Variants in ABCB10 observed in about 807,000 individuals in gnomAD.
The protein encoded by ABCB10 is ATP-binding cassette sub-family B member 10, mitochondrial.
In ABCB10, 54 loss-of-function variants were observed where a neutral mutation model predicts 65.4. The observed-to-expected ratio is 0.83, with a 90% CI of 0.66 to 1.04. ABCB10 has a LOEUF of 1.04. Among genes scored for constraint, ABCB10 ranks in the 50% least tolerant of loss-of-function variants. The pLI is 0.00. For synonymous variants in ABCB10, 418 were observed against 406.5 expected, an observed-to-expected ratio of 1.03 and a Z score of -0.34; for missense variants, 846 against 976.6, an observed-to-expected ratio of 0.87 and a Z score of 1.78.
intron 1 of ABCB10, 112 bp downstream of exon 1, chr1:229,558,024 G>C: frequency 8.6e-7 from 1 of 1,157,524 alleles, no homozygotes; most frequent in Non-Finnish European, 1.1e-6. Context: ...GCCCAGGAGA[G>C]GCGGCGGTGA....
rs138947511 is a variant in ABCB10 at position 229,558,402 on chromosome 1, A to G, written c.251T>C (p.Leu84Pro). 8.8e-3 allele frequency: 10,570 copies of G among 1,206,702 alleles called. 430 individuals carry two copies. The African/African-American group carries it at 0.11, about 13-fold the overall frequency. 74.7% of individuals were successfully genotyped at this position (1,206,702 alleles called of 1,614,324 possible). ...CAGCCCCAGGAGCCGCGCGAGGCCC[A>G]GGACGCCCCGCGAGGCGCCCGGACC... ...GGGPGASRGV[L>P]GLARLLGLWA... is the part of the protein sequence containing the mutation. The change falls in exon 1 of 13, where the codon CTG becomes CCG. Residue 84 changes from leucine to proline, a missense_variant. Leu to Pro is a moderately conservative substitution (Grantham distance 98). This residue lies in a region of ABCB10 where 214 missense variants were observed against 173.5 expected (regional missense o/e 1.23). Coordinates refer to ENST00000344517, the MANE Select transcript of ABCB10 (RefSeq NM_012089.3).
intron 9 of ABCB10, among the ~76,000 whole-genome samples, chr1:229,526,649 G>C (rs115838720): frequency 1.0e-3 from 153 of 152,352 alleles, no homozygotes; most frequent in African/African-American, 3.5e-3. Context: ...GAGAGGTTCA[G>C]AAATGGGGGG....
chr1:229,519,572 G>A (rs1186070545), intron 11 of ABCB10, among the ~76,000 whole-genome samples: 1 of 152,194 alleles, frequency 6.6e-6, no homozygotes, highest in Non-Finnish European at 1.5e-5. Context: ...TGGATCACCT[G>A]AGGTCAGGAG....
intron 10 of ABCB10, among the ~76,000 whole-genome samples, chr1:229,525,344 T>TTTGTTG (rs370441280): frequency 8.6e-5 from 13 of 151,872 alleles, no homozygotes; most frequent in African/African-American, 2.9e-4. Flanking sequence ...GCAAAGCACA[T>TTTGTTG]TTGTTGTTGT....
intron 2 of ABCB10, among the ~76,000 whole-genome samples, chr1:229,548,150 C>T (rs1382427145): frequency 1.3e-5 from 2 of 151,824 alleles, no homozygotes; most frequent in East Asian, 1.9e-4. Flanking sequence ...TACAGATGTC[C>T]GCCACTACAC....
chr1:229,530,305 G>A lies in ABCB10; in HGVS notation c.1539C>T (p.Phe513=), dbSNP rs770236956. The A allele has an allele frequency of 3.1e-6, 5 of 1,614,178 alleles. No individual in the cohort carries two copies. The highest frequency in any genetic ancestry group is 4.2e-6 in the Non-Finnish European group (5 of 1,180,018). ...CAGATCCTGACGGAATGGAAAGGCTGAAATCCTGAAATATGGGCACCTCTG... is the reference window on the plus strand; with the variant it reads ...CAGATCCTGACGGAATGGAAAGGCTAAAATCCTGAAATATGGGCACCTCTG... ...ARPEVPIFQD[F]SLSIPSGSVT... is the part of the protein sequence containing the mutation. Residue 513 remains phenylalanine (F), a synonymous_variant, in exon 8 of 13, where the codon TTC becomes TTT. Coordinates refer to ENST00000344517, the MANE Select transcript of ABCB10 (RefSeq NM_012089.3).
intron 10 of ABCB10, among the ~76,000 whole-genome samples, chr1:229,521,994 G>A (rs1482707267): frequency 6.6e-6 from 1 of 151,292 alleles, no homozygotes; most frequent in Non-Finnish European, 1.5e-5. Context: ...AGCCTCCCAA[G>A]TAGCTGAGAC....
At position 229,547,495 on chromosome 1, in the gene ABCB10, A is replaced by T; in HGVS notation, c.921+4T>A. ...AGGTACCAAGGGGAACCAGGCCCACATACCATCATACTGATGCCTACGGAA... is the reference window on the plus strand; with the variant it reads ...AGGTACCAAGGGGAACCAGGCCCACTTACCATCATACTGATGCCTACGGAA... On this transcript the variant is annotated splice_donor_region_variant and intron_variant, in intron 3 of 12. Transcript: ENST00000344517. 6.2e-7 allele frequency: 1 copy of T among 1,612,286 alleles called. No individual in the cohort carries two copies. The highest frequency in any genetic ancestry group is 1.1e-5 in the South Asian group (1 of 90,998).
rs1287201222 is a variant in ABCB10 at position 229,517,855 on chromosome 1, C to A, written c.*324G>T. 1 of 209,348 alleles carries A rather than the reference C, an allele frequency of 4.8e-6. No individual in the cohort carries two copies. Among genetic ancestry groups the A allele is most frequent in the African/African-American group, 2.3e-5 (1 of 43,032 alleles). 13.0% of individuals were successfully genotyped at this position (209,348 alleles called of 1,614,324 possible). A position where few individuals can be genotyped will look rare whatever the true frequency, so the allele number is the denominator to read the frequency against. ...TTGCCTTTTTAAAGTTGTCATTTGA[C>A]AATAGCTTCAATCTTTAACAGCAGG... is the stretch of plus-strand genomic sequence containing the variant. On this transcript the variant is annotated 3_prime_UTR_variant, in exon 13 of 13. Transcript: ENST00000344517.
rs1224964084 is a variant in ABCB10, at chr1:229,558,360, C to G, written c.293G>C (p.Gly98Ala). The G allele has an allele frequency of 8.0e-7, 1 of 1,252,622 alleles. No homozygotes were observed. The highest frequency in any genetic ancestry group is 1.0e-6 in the Non-Finnish European group (1 of 987,306). The allele number at this position is 1,252,622 out of a possible 1,614,324, so 77.6% of individuals were successfully genotyped here. A position where few individuals can be genotyped will look rare whatever the true frequency, so the allele number is the denominator to read the frequency against. The change falls in exon 1 of 13, where the codon GGC (glycine) becomes GCC (alanine). Residue 98 changes from glycine to alanine, a missense_variant. Gly to Ala is a moderately conservative substitution (Grantham distance 60). This residue lies in a region of ABCB10 where 214 missense variants were observed against 173.5 expected (regional missense o/e 1.23). Coordinates refer to ENST00000344517, the MANE Select transcript of ABCB10 (RefSeq NM_012089.3). ...GGCAAAAGCCCCGCACCTGCAGCTG[C>G]CGGGGCCGCGAGCCCACAGCCCCAG... is the stretch of plus-strand genomic sequence containing the variant. ...RLLGLWARGP[G>A]SCRCGAFAGP... is the part of the protein sequence containing the mutation.
intron 10 of ABCB10, among the ~76,000 whole-genome samples, chr1:229,525,554 A>T (rs1014319084): frequency 2.6e-5 from 4 of 152,200 alleles, no homozygotes; most frequent in African/African-American, 9.6e-5. Flanking sequence ...ATATAGAAAC[A>T]TGTGGGCTGG....
At position 229,521,600 on chromosome 1, in the gene ABCB10, G is replaced by C. The variant is rs1238549312; in HGVS notation, c.1942C>G (p.Leu648Val). 1 of 1,611,548 alleles carries C rather than the reference G, an allele frequency of 6.2e-7. No individual in the cohort carries two copies. The highest frequency in any genetic ancestry group is 8.5e-7 in the Non-Finnish European group (1 of 1,178,742). Reference sequence around the variant, plus strand: ...AGTCGCTTCAGGCTTACCTTTAGCAGAGCACGGGCAATCGCAATCCGCTGT... The same window carrying C: ...AGTCGCTTCAGGCTTACCTTTAGCACAGCACGGGCAATCGCAATCCGCTGT... ...QKQRIAIARA[L>V]LKNPKILLLD... Residue 648 changes from leucine to valine, a missense_variant, in exon 11 of 13, where the codon CTG becomes GTG. By Grantham distance (32) the Leu-to-Val change is conservative (BLOSUM62 1). This residue lies in a region of ABCB10 where 632 missense variants were observed against 803.2 expected (regional missense o/e 0.79). Transcript: ENST00000344517.
chr1:229,527,211 G>T lies in ABCB10; in HGVS notation c.1725+18C>A. 6.3e-7 allele frequency: 1 copy of T among 1,586,620 alleles called. No individual in the cohort carries two copies. Among genetic ancestry groups the T allele is most frequent in the Non-Finnish European group, 8.6e-7 (1 of 1,166,894 alleles). On this transcript the variant is annotated intron_variant, in intron 9 of 12. Transcript: ENST00000344517. ...TTTTAAAAGAAAGTGAAATAGAAAT[G>T]GAAGCCTCTCTTCTTACCTGACTCA...
In ABCB10 at chr1:229,526,187, A is replaced by G; in HGVS notation, c.1726-71T>C. 3 of 1,425,822 alleles carry G rather than the reference A, an allele frequency of 2.1e-6. No individual in the cohort carries two copies. The South Asian group carries it at 4.0e-5, about 19-fold the overall frequency. The allele number at this position is 1,425,822 out of a possible 1,614,324, so 88.3% of individuals were successfully genotyped here. On this transcript the variant is annotated intron_variant, in intron 9 of 12. Transcript: ENST00000344517. ...AAACATGTCTAATAAATTTAGACCT[A>G]GCAGTCTTTTTTAAAATTTATGTTT...
At chr1:229,549,732 C>T (rs925370840) in intron 1 of ABCB10, among the ~76,000 whole-genome samples, 2 of 151,762 alleles carry the variant, frequency 1.3e-5, no homozygotes, top group African/African-American at 4.8e-5. Context: ...ACTATGGAAC[C>T]GTTCTGGCCA....
At chr1:229,543,567 G>A (rs56900945) in intron 3 of ABCB10, among the ~76,000 whole-genome samples, 3,182 of 152,270 alleles carry the variant, frequency 0.021, 107 homozygotes, top group African/African-American at 0.073. Flanking sequence ...GAGAGCCCAC[G>A]TTACTGAGTG....
At chr1:229,549,907 C>A (rs1663065621) in intron 1 of ABCB10, 1 of 171,462 alleles carries the variant, frequency 5.8e-6, no homozygotes, top group Admixed American at 5.6e-5. Flanking sequence ...AACACTCTGT[C>A]TACGGCCATA....
chr1:229,549,139 G>A (rs747993962), intron 2 of ABCB10, 95 bp downstream of exon 2: 14 of 1,319,910 alleles, frequency 1.1e-5, no homozygotes, highest in Non-Finnish European at 1.4e-5. Context: ...GAAGAGAATG[G>A]AGCCTGGAGC....
chr1:229,558,109 G>C (rs1663304074), intron 1 of ABCB10, 27 bp downstream of exon 1: 2 of 1,337,512 alleles, frequency 1.5e-6, no homozygotes, highest in East Asian at 3.1e-5. Context: ...AGGCCCGGCG[G>C]AGGGAAGTGG....
Sources: allele counts gnomAD v4.1 joint callset (sites outside exome capture counted in the v4.1 genomes callset), GRCh38; gene constraint gnomAD v4.1.1; regional missense constraint gnomAD v4.1.1; transcripts MANE v1.5; gene names NCBI Gene and HGNC (gene_info 2026-07-23, HGNC 2026-07-21).